Variants in MED12L observed in about 807,000 individuals in gnomAD.
MED12L encodes mediator of RNA polymerase II transcription subunit 12-like protein.
In MED12L, 60 loss-of-function variants were observed where a neutral mutation model predicts 281.3. The ratio of observed to expected loss-of-function variants is 0.21; its 90% CI spans 0.17 to 0.26. The LOEUF (loss-of-function observed/expected upper bound fraction) is 0.26. Ranked by LOEUF, MED12L falls within the 10% of genes least tolerant of loss-of-function variation. The probability of loss-of-function intolerance (pLI) is 1.00; values close to 1 mark genes in which losing one functional copy is unlikely to be tolerated. For missense variants in MED12L, 2,146 were observed against 2,680.9 expected (o/e 0.80, Z 4.41); for synonymous variants, 974 against 987.2 (o/e 0.99, Z 0.25).
intron 5 of MED12L, among the ~76,000 whole-genome samples, chr3:151,141,504 A>G (rs1012800130): frequency 6.6e-6 from 1 of 152,184 alleles, no homozygotes; most frequent in East Asian, 1.9e-4. Context: ...TTTTGTGGTT[A>G]CAAGATACAC....
intron 26 of MED12L, among the ~76,000 whole-genome samples, chr3:151,370,580 C>T (rs1428260968): frequency 1.3e-5 from 2 of 152,088 alleles, no homozygotes; most frequent in East Asian, 1.9e-4. Flanking sequence ...TGAGTGTAGG[C>T]GCTTATAGAT....
intron 16 of MED12L, among the ~76,000 whole-genome samples, chr3:151,323,383 A>G (rs753632558): frequency 1.3e-5 from 2 of 152,306 alleles, no homozygotes; most frequent in Admixed American, 6.5e-5. Context: ...GAAACCTTCA[A>G]CGACTCATTA....
chr3:151,230,705 A>G (rs185813737), intron 16 of MED12L, among the ~76,000 whole-genome samples: 2 of 152,222 alleles, frequency 1.3e-5, no homozygotes, highest in Admixed American at 1.3e-4. Context: ...AACCTGCTCA[A>G]AGTCCTTAAT....
intron 16 of MED12L, chr3:151,269,570 C>G: frequency 3.5e-6 from 1 of 283,964 alleles, no homozygotes. Context: ...TTTTGGGTAA[C>G]AGCATTTGTC....
In MED12L at chr3:151,161,775, CA is replaced by C. The variant is rs551091504; in HGVS notation, c.1107+1675del. Among the ~76,000 whole-genome samples, 79 of 152,252 alleles carry C rather than the reference CA, an allele frequency of 5.2e-4. 1 individual carries two copies. The highest frequency in any genetic ancestry group is 1.8e-3 in the African/African-American group (75 of 41,536). On this transcript the variant is annotated intron_variant, in intron 8 of 44. Coordinates refer to ENST00000687756, the MANE Select transcript of MED12L (RefSeq NM_001393769.1). The stretch of plus-strand genomic sequence containing the variant: ...AATCCAAACCAAAGCAATCAGGATC[CA>C]GAGTCCACACTCAACCACTATGCTA...
chr3:151,274,106 A>G (rs937667888), intron 16 of MED12L, among the ~76,000 whole-genome samples: 2 of 152,248 alleles, frequency 1.3e-5, no homozygotes, highest in Non-Finnish European at 2.9e-5. Flanking sequence ...TGGTGCAGAT[A>G]TCTGATGAAC....
At chr3:151,243,313 G>A (rs1207440859) in intron 16 of MED12L, among the ~76,000 whole-genome samples, 7 of 151,220 alleles carry the variant, frequency 4.6e-5, no homozygotes, top group Non-Finnish European at 8.9e-5. Context: ...ACACATAATT[G>A]TCAGATTCAC....
intron 40 of MED12L, 112 bp from the exon 41 acceptor site, chr3:151,411,166 A>C: frequency 1.2e-6 from 1 of 821,852 alleles, no homozygotes. Context: ...CTTTGAAAAC[A>C]GTGAATTTCA....
rs1753779824 is a variant in MED12L at position 151,355,373 on chromosome 3, AC to A, written c.2517+135del. ...ATAAACATACTTGGAAGTATCTCAG[AC>A]TATTGAGTAGTTCTTTTAAGTGTCA... On this transcript the variant is annotated intron_variant, in intron 18 of 44. Coordinates refer to ENST00000687756, the MANE Select transcript of MED12L (RefSeq NM_001393769.1). The A allele has an allele frequency of 3.4e-5, 20 of 594,498 alleles. No individual in the cohort carries two copies. In the East Asian group the frequency reaches 5.8e-4, roughly 17 times the overall value. The allele number at this position is 594,498 out of a possible 1,614,324, so 36.8% of individuals were successfully genotyped here. A position where few individuals can be genotyped will look rare whatever the true frequency, so the allele number is the denominator to read the frequency against.
chr3:151,240,114 A>G (rs12639390), intron 16 of MED12L, among the ~76,000 whole-genome samples: 45,740 of 151,454 alleles, frequency 0.3, 7,035 homozygotes, highest in Non-Finnish European at 0.32. Context: ...TCCAGGCTCC[A>G]TAACTGTCAG....
chr3:151,270,085 G>A, intron 16 of MED12L: 1 of 217,310 alleles, frequency 4.6e-6, no homozygotes. Context: ...AGAAGATGAA[G>A]ATGATGATGA....
intron 2 of MED12L, among the ~76,000 whole-genome samples, chr3:151,094,755 T>G (rs935136157): frequency 2.0e-5 from 3 of 152,268 alleles, no homozygotes; most frequent in Admixed American, 6.5e-5. Flanking sequence ...GATTTTTATT[T>G]TCTTCTTTGT....
rs568684339 is a variant in MED12L at position 151,129,307 on chromosome 3, C to A, written c.556+1323C>A. Among the ~76,000 whole-genome samples the A allele has an allele frequency of 8.5e-5, 13 of 152,228 alleles. No individual in the cohort carries two copies. In the South Asian group the frequency reaches 2.7e-3, roughly 32 times the overall value. ...AACATGGTCTGAATTCTGTGGCTGC[C>A]ATCTTTGAGTTCAGCATCATCCTAT... On this transcript the variant is annotated intron_variant, in intron 5 of 44. Coordinates refer to ENST00000687756, the MANE Select transcript of MED12L (RefSeq NM_001393769.1).
chr3:151,177,775 A>G (rs56151283), intron 11 of MED12L, among the ~76,000 whole-genome samples: 13,242 of 152,116 alleles, frequency 0.087, 1,316 homozygotes, highest in African/African-American at 0.23. Context: ...TTACAGGCAT[A>G]AGCCACTGCA....
intron 3 of MED12L, 30 bp downstream of exon 3, chr3:151,116,472 C>G (rs1455051743): frequency 1.4e-6 from 2 of 1,458,756 alleles, no homozygotes; most frequent in Non-Finnish European, 9.6e-7. Flanking sequence ...TCCTCAAACT[C>G]CTGAAAAAGT....
chr3:151,405,582 A>G (rs1469547906), intron 39 of MED12L, among the ~76,000 whole-genome samples: 1 of 152,146 alleles, frequency 6.6e-6, no homozygotes, highest in Non-Finnish European at 1.5e-5. Flanking sequence ...GGCCGCAGTG[A>G]AGTATGATCT....
chr3:151,348,431 C>A (rs989317185), intron 16 of MED12L, among the ~76,000 whole-genome samples: 3 of 151,512 alleles, frequency 2.0e-5, no homozygotes, highest in Non-Finnish European at 4.4e-5. Flanking sequence ...AGCAGCTCAG[C>A]TCATTCAGAT....
rs76922109 is a variant in MED12L, at chr3:151,432,789, T to C, written c.6528T>C (p.His2176=). 1.1e-3 allele frequency: 1,800 copies of C among 1,613,352 alleles called. 28 individuals are homozygous for C. The African/African-American group carries it at 0.021, about 19-fold the overall frequency. The change falls in exon 45 of 45, where the codon CAT becomes CAC. Residue 2176 remains histidine, a synonymous_variant. Transcript: ENST00000687756. ...AGCAAGGAGTGACTCCGTATGGGCA[T>C]CCTTCACACTTCTGAATCTGCAAGA... ...QPQQGVTPYG[H]PSHF
Position 151,354,768 on chromosome 3 carries a change from GAATC to G in MED12L, c.2399-348_2399-345del, listed in dbSNP as rs1292969304. ...CACATTAAAATTACCTCAGCAACATGAATCAATCTTAAAAGCATACTGTTGATTG... is the reference window on the plus strand; with the variant it reads ...CACATTAAAATTACCTCAGCAACATGAATCTTAAAAGCATACTGTTGATTG... On this transcript the variant is annotated intron_variant, in intron 17 of 44. Transcript: ENST00000687756. Among the ~76,000 whole-genome samples the G allele has an allele frequency of 6.6e-5, 10 of 152,280 alleles. No homozygotes were observed. In the East Asian group the frequency reaches 1.9e-3, roughly 29 times the overall value.
Sources: gnomAD v4.1 joint callset for allele counts (sites outside exome capture counted in the v4.1 genomes callset) on GRCh38, gnomAD v4.1.1 for gene constraint, MANE v1.5 for transcripts, NCBI Gene and HGNC (gene_info 2026-07-23, HGNC 2026-07-21) for gene names.